Variants in RNF38 observed in about 807,000 individuals in gnomAD.
RNF38 encodes the protein E3 ubiquitin-protein ligase RNF38.
RNF38 carries 15 observed loss-of-function variants against 67.2 expected under a neutral mutation model. The observed-to-expected ratio is 0.22, with a 90% CI of 0.15 to 0.34. The LOEUF (loss-of-function observed/expected upper bound fraction) is 0.34. RNF38 is among the 10% of genes least tolerant of loss of function. RNF38 has a pLI of 1.00. For synonymous variants in RNF38, 220 were observed against 218.8 expected, an observed-to-expected ratio of 1.01 and a Z score of -0.05; for missense variants, 524 against 639.9, an observed-to-expected ratio of 0.82 and a Z score of 1.95.
Position 36,357,953 on chromosome 9 carries a change from A to C in RNF38, c.571-11T>G. On this transcript the variant is annotated splice_polypyrimidine_tract_variant and intron_variant, in intron 4 of 11. Transcript: ENST00000259605. ...TGTTCCTTGATGGAGCTTTAAAGGA[A>C]AAAACAAATGAACAAACTTTAGCTG... is the stretch of plus-strand genomic sequence containing the variant. 12 of 1,604,472 alleles carry C rather than the reference A, an allele frequency of 7.5e-6. No homozygotes were observed. Among genetic ancestry groups the C allele is most frequent in the Non-Finnish European group, 1.0e-5 (12 of 1,174,090 alleles).
intron 1 of RNF38, among the ~76,000 whole-genome samples, chr9:36,476,680 T>C (rs1587210746): frequency 6.6e-6 from 1 of 151,862 alleles, no homozygotes; most frequent in African/African-American, 2.4e-5. Flanking sequence ...CCCACCACCA[T>C]GCCCGGCTAA....
Position 36,416,742 on chromosome 9 carries a change from A to ATTTTTTTTT in RNF38, n.312+7862_312+7870dup, listed in dbSNP as rs386414907. Among the ~76,000 whole-genome samples the ATTTTTTTTT allele has an allele frequency of 9.8e-4, 62 of 63,498 alleles. 7 individuals carry two copies. Among genetic ancestry groups the ATTTTTTTTT allele is most frequent in the African/African-American group, 3.7e-3 (57 of 15,366 alleles). The allele number at this position is 63,498 out of a possible 152,430, so 41.7% of individuals were successfully genotyped here. On this transcript the variant is annotated intron_variant and non_coding_transcript_variant, in intron 2 of 3. Coordinates refer to the RNF38 transcript ENST00000488058. The stretch of plus-strand genomic sequence containing the variant: ...GGCTCCTTCTTGCTGCTGCCTCGAT[A>ATTTTTTTTT]TTTTTTTTTTTTTTTTTTTTTTTTT...
At chr9:36,414,846 G>T (rs181512483) in intron 2 of RNF38, among the ~76,000 whole-genome samples, 1 of 152,220 alleles carries the variant, frequency 6.6e-6, no homozygotes, top group African/African-American at 2.4e-5. Context: ...ATTCGTGGCT[G>T]GTAATTGTTT....
At chr9:36,418,490 G>A (rs1279706911) in intron 2 of RNF38, among the ~76,000 whole-genome samples, 4 of 114,606 alleles carry the variant, frequency 3.5e-5, no homozygotes, top group Non-Finnish European at 6.9e-5. Flanking sequence ...CCATCTCTAC[G>A]AAAAAAAAAT....
intron 6 of RNF38, among the ~76,000 whole-genome samples, chr9:36,355,341 T>C (rs1834021050): frequency 6.6e-6 from 1 of 152,208 alleles, no homozygotes; most frequent in Non-Finnish European, 1.5e-5. Flanking sequence ...ACCTGGCCTA[T>C]CAAAACAACT....
chr9:36,386,992 G>A (rs1387654231), intron 2 of RNF38, among the ~76,000 whole-genome samples: 4 of 152,038 alleles, frequency 2.6e-5, no homozygotes, highest in Admixed American at 1.3e-4. Context: ...TAGTAGAGAC[G>A]GGGTTTCCCC....
At chr9:36,413,291 A>G (rs1439320043) in intron 2 of RNF38, among the ~76,000 whole-genome samples, 2 of 151,702 alleles carry the variant, frequency 1.3e-5, no homozygotes, top group Non-Finnish European at 2.9e-5. Flanking sequence ...CTCTATCACC[A>G]TGTGATATCG....
At chr9:36,349,689 C>A (rs1393006432) in intron 9 of RNF38, among the ~76,000 whole-genome samples, 1 of 152,122 alleles carries the variant, frequency 6.6e-6, no homozygotes, top group Non-Finnish European at 1.5e-5. Context: ...GGCCAAAAAA[C>A]CAATGCCATG....
intron 2 of RNF38, among the ~76,000 whole-genome samples, chr9:36,376,389 C>T (rs904157481): frequency 3.3e-5 from 5 of 152,030 alleles, no homozygotes; most frequent in South Asian, 4.2e-4. Flanking sequence ...AATGAGGTAA[C>T]GACATATAGG....
chr9:36,432,667 C>T (rs1462831440), intron 1 of RNF38, among the ~76,000 whole-genome samples: 1 of 151,992 alleles, frequency 6.6e-6, no homozygotes, highest in Admixed American at 6.6e-5. Flanking sequence ...GTGGTGGGCA[C>T]CTGCAGTCCC....
intron 1 of RNF38, among the ~76,000 whole-genome samples, chr9:36,432,692 C>A (rs549505073): frequency 8.5e-5 from 13 of 152,146 alleles, no homozygotes; most frequent in Admixed American, 7.9e-4. Flanking sequence ...ACTCGGGAGG[C>A]TGAGGCAGGA....
At chr9:36,391,612 C>CTTTT (rs1158051513) in intron 1 of RNF38, among the ~76,000 whole-genome samples, 6 of 134,648 alleles carry the variant, frequency 4.5e-5, no homozygotes, top group Non-Finnish European at 6.4e-5. Context: ...TCGTTTCCTA[C>CTTTT]TTTTTTTTTT....
At chr9:36,440,156 G>A (rs976129452) in intron 1 of RNF38, among the ~76,000 whole-genome samples, 17 of 151,972 alleles carry the variant, frequency 1.1e-4, no homozygotes, top group Non-Finnish European at 7.4e-5. Flanking sequence ...TGAAGCAGGA[G>A]AATCACCTGA....
chr9:36,342,555 A>G, intron 10 of RNF38, 131 bp from the exon 11 acceptor site: 1 of 633,270 alleles, frequency 1.6e-6, no homozygotes, highest in Middle Eastern at 3.0e-4. Context: ...ATTATCAACC[A>G]ATACCCTGAA....
intron 2 of RNF38, among the ~76,000 whole-genome samples, chr9:36,417,304 G>A (rs550980015): frequency 2.0e-5 from 3 of 152,234 alleles, no homozygotes; most frequent in East Asian, 3.9e-4. Context: ...ATGTTCCTGC[G>A]GTAGTTCTTG....
At chr9:36,346,081 A>G (rs1350699136) in intron 9 of RNF38, among the ~76,000 whole-genome samples, 1 of 152,248 alleles carries the variant, frequency 6.6e-6, no homozygotes, top group African/African-American at 2.4e-5. Context: ...AGAATACCTC[A>G]TATTAAACAA....
At position 36,432,298 on chromosome 9, in the gene RNF38, C is replaced by T. The variant is rs559206002; in HGVS notation, n.242-7615G>A. On this transcript the variant is annotated intron_variant and non_coding_transcript_variant, in intron 1 of 3. Coordinates refer to the RNF38 transcript ENST00000488058. ...TACAGGGGTGTGCCATTATGCCTGGCTAATTTTTGTATTTTTAGTGGAAAC... is the reference window on the plus strand; with the variant it reads ...TACAGGGGTGTGCCATTATGCCTGGTTAATTTTTGTATTTTTAGTGGAAAC... Among the ~76,000 whole-genome samples the T allele has an allele frequency of 2.0e-5, 3 of 152,154 alleles. 1 individual carries two copies. Among genetic ancestry groups the T allele is most frequent in the African/African-American group, 7.2e-5 (3 of 41,566 alleles).
At chr9:36,349,112 GGA>G (rs1290624128) in intron 9 of RNF38, among the ~76,000 whole-genome samples, 1 of 152,162 alleles carries the variant, frequency 6.6e-6, no homozygotes, top group Non-Finnish European at 1.5e-5. Context: ...TATGGTTTAT[GGA>G]ACATTTTAAG....
intron 1 of RNF38, among the ~76,000 whole-genome samples, chr9:36,439,389 T>C (rs1297495892): frequency 6.6e-6 from 1 of 152,206 alleles, no homozygotes; most frequent in Non-Finnish European, 1.5e-5. Flanking sequence ...CCTCATTTTT[T>C]TTTCCTTACC....
Sources: allele counts gnomAD v4.1 joint callset (sites outside exome capture counted in the v4.1 genomes callset), GRCh38; gene constraint gnomAD v4.1.1; transcripts MANE v1.5; gene names NCBI Gene and HGNC (gene_info 2026-07-23, HGNC 2026-07-21).